COL7A1: variants seen among roughly 807,000 people sequenced by gnomAD.
The protein encoded by COL7A1 is collagen alpha-1(VII) chain.
COL7A1 carries 296 observed loss-of-function variants against 456.2 expected under a neutral mutation model. That is an observed-to-expected ratio of 0.65 (90% CI 0.59 to 0.71). The LOEUF is 0.71. Ranked by LOEUF, COL7A1 falls within the 30% of genes least tolerant of loss-of-function variation. The probability of loss-of-function intolerance (pLI) is 0.00; values close to 1 mark genes in which losing one functional copy is unlikely to be tolerated. For synonymous variants in COL7A1, 1,464 were observed against 1,525.9 expected (o/e 0.96, Z 0.95); for missense variants, 3,441 against 4,017.2 (o/e 0.86, Z 3.88).
In COL7A1 at chr3:48,581,799, C is replaced by T. The variant is rs1239414819; in HGVS notation, c.4669-40G>A. On this transcript the variant is annotated intron_variant, in intron 48 of 118. Transcript: ENST00000681320. The surrounding 1 kb of genome is among the most constrained non-coding windows in gnomAD (Gnocchi z 5.8). ...GACCATCAGTGCTAGTCCCAGGCTC[C>T]AGTTAACCCCCTGACCCAGCAAGTC... The T allele has an allele frequency of 6.2e-7, 1 of 1,613,880 alleles. No homozygotes were observed. The highest frequency in any genetic ancestry group is 8.5e-7 in the Non-Finnish European group (1 of 1,179,826).
rs921562127 is a variant in COL7A1, at chr3:48,585,604, G to A, written c.3847C>T (p.Pro1283Ser). 30 of 1,613,876 alleles carry A rather than the reference G, an allele frequency of 1.9e-5. No individual in the cohort carries two copies. Among genetic ancestry groups the A allele is most frequent in the East Asian group, 4.5e-5 (2 of 44,878 alleles). The change falls in exon 32 of 119, where the codon CCC (proline) becomes TCC (serine). Residue 1283 changes from proline to serine, a missense_variant. This residue lies in a region of COL7A1 where 2,084 missense variants were observed against 2,501.3 expected (regional missense o/e 0.83). Coordinates refer to ENST00000681320, the MANE Select transcript of COL7A1 (RefSeq NM_000094.4). The surrounding 1 kb of genome is among the most constrained non-coding windows in gnomAD (Gnocchi z 4.5). The stretch of plus-strand genomic sequence containing the variant: ...CTTCCAGGGGGCCCCTGGGGGCCGG[G>A]AGCACCGGTCCTGCCCTGAAAGAAG... Reference protein sequence around the residue: ...DPGLPGRTGAPGPQGPPGSAT... With the variant: ...DPGLPGRTGASGPQGPPGSAT...
In COL7A1 at chr3:48,570,419, GGTGACCAGGGCACAAGAGAGA is replaced by G. The variant is rs551952869; in HGVS notation, c.7380+25_7380+45del. ...TGGGAGGTCAGTGGAGGCTGAAGGG[GGTGACCAGGGCACAAGAGAGA>G]GTCAGCAGCACTTGTCCCACCTACC... On this transcript the variant is annotated intron_variant, in intron 97 of 118. Coordinates refer to ENST00000681320, the MANE Select transcript of COL7A1 (RefSeq NM_000094.4). The surrounding 1 kb of genome is among the most constrained non-coding windows in gnomAD (Gnocchi z 5.5). The G allele has an allele frequency of 1.1e-5, 17 of 1,613,988 alleles. No homozygotes were observed. The South Asian group carries it at 1.6e-4, about 16-fold the overall frequency.
Position 48,580,158 on chromosome 3 carries a change from C to A in COL7A1, c.5098-101G>T, listed in dbSNP as rs1575453942. 1.3e-6 allele frequency: 2 copies of A among 1,553,668 alleles called. No homozygotes were observed. The highest frequency in any genetic ancestry group is 8.8e-7 in the Non-Finnish European group (1 of 1,134,982). On this transcript the variant is annotated intron_variant, in intron 56 of 118. Coordinates refer to ENST00000681320, the MANE Select transcript of COL7A1 (RefSeq NM_000094.4). This position sits in a 1 kb window ranked among gnomAD's most constrained non-coding sequence, Gnocchi z 4.5. ...CTCTGCCCCCAAGTTCCCCGAAGCACCCCAATGCCAGCCCCCAGCAGGCAT... is the reference window on the plus strand; with the variant it reads ...CTCTGCCCCCAAGTTCCCCGAAGCAACCCAATGCCAGCCCCCAGCAGGCAT...
At position 48,581,048 on chromosome 3, in the gene COL7A1, T is replaced by C; in HGVS notation, c.4935+74A>G. ...GGAGGCAGGGAGTGGATGGATGAAC[T>C]GGTGGAGCACCAGCCTACTGGGATC... On this transcript the variant is annotated intron_variant, in intron 53 of 118. Coordinates refer to ENST00000681320, the MANE Select transcript of COL7A1 (RefSeq NM_000094.4). This position sits in a 1 kb window ranked among gnomAD's most constrained non-coding sequence, Gnocchi z 5.8. 1 of 1,604,224 alleles carries C rather than the reference T, an allele frequency of 6.2e-7. No homozygotes were observed. The highest frequency in any genetic ancestry group is 8.5e-7 in the Non-Finnish European group (1 of 1,171,626).
Position 48,576,192 on chromosome 3 carries a change from G to C in COL7A1, c.5820+57C>G, listed in dbSNP as rs1454366158. On this transcript the variant is annotated intron_variant, in intron 71 of 118. Transcript: ENST00000681320. Reference sequence around the variant, plus strand: ...CATGGCAAGGGGAAGGGGATGGCAAGGTGGCCCCAATGGGCATGCAAAACA... The same window carrying C: ...CATGGCAAGGGGAAGGGGATGGCAACGTGGCCCCAATGGGCATGCAAAACA... 7 of 1,609,510 alleles carry C rather than the reference G, an allele frequency of 4.3e-6. No homozygotes were observed. In the South Asian group the frequency reaches 6.6e-5, roughly 15 times the overall value.
In COL7A1 at chr3:48,592,093, C is replaced by G. The variant is rs759691668; in HGVS notation, c.1240+9G>C. The G allele has an allele frequency of 6.2e-7, 1 of 1,614,194 alleles. No individual in the cohort carries two copies. Among genetic ancestry groups the G allele is most frequent in the Non-Finnish European group, 8.5e-7 (1 of 1,180,034 alleles). ...GTCCCAGCCTGAAGAAAGTGCCCAGCCTTCTCACCAGTGCGAGCCATCAGG... is the reference window on the plus strand; with the variant it reads ...GTCCCAGCCTGAAGAAAGTGCCCAGGCTTCTCACCAGTGCGAGCCATCAGG... On this transcript the variant is annotated intron_variant, in intron 10 of 118. Transcript: ENST00000681320. The surrounding 1 kb of genome is among the most constrained non-coding windows in gnomAD (Gnocchi z 7.6).
Position 48,572,881 on chromosome 3 carries a change from C to CT in COL7A1, c.6811dup (p.Arg2271LysfsTer19). On this transcript the variant is annotated frameshift_variant, in exon 87 of 119. Coordinates refer to ENST00000681320, the MANE Select transcript of COL7A1 (RefSeq NM_000094.4). LOFTEE classifies it high-confidence loss of function. The surrounding 1 kb of genome is among the most constrained non-coding windows in gnomAD (Gnocchi z 4.6). ...ACATACTGGCACACCAGGGCTCCCT[C>CT]TGTCTCCATCTTTTCCACTGGCACC... The CT allele has an allele frequency of 6.2e-7, 1 of 1,613,882 alleles. No individual in the cohort carries two copies. The highest frequency in any genetic ancestry group is 2.2e-5 in the East Asian group (1 of 44,872).
In COL7A1 at chr3:48,565,647, G is replaced by A; in HGVS notation, c.8429C>T (p.Ala2810Val). Reference protein sequence around the residue: ...QHCACQGQFIASGSRPLPSYA... With the variant: ...QHCACQGQFIVSGSRPLPSYA... ...AGAAAACTACTCACGTGATCCAGAT[G>A]CGATGAACTGGCCCTGGCAGGCTAG... Residue 2810 changes from alanine to valine, a missense_variant, in exon 115 of 119, where the codon GCA (alanine) becomes GTA (valine). By Grantham distance (64) the Ala-to-Val change is moderately conservative. Around this residue, in one of 3 missense-constraint regions of COL7A1, gnomAD observed 2,084 missense variants for 2,501.3 expected, o/e 0.83. Transcript: ENST00000681320. This position sits in a 1 kb window ranked among gnomAD's most constrained non-coding sequence, Gnocchi z 4.5. 6.2e-7 allele frequency: 1 copy of A among 1,613,946 alleles called. No homozygotes were observed. Among genetic ancestry groups the A allele is most frequent in the Non-Finnish European group, 8.5e-7 (1 of 1,179,956 alleles).
Position 48,593,615 on chromosome 3 carries a change from G to A in COL7A1, c.348C>T (p.Asn116=). 6.2e-7 allele frequency: 1 copy of A among 1,614,214 alleles called. No individual in the cohort carries two copies. The highest frequency in any genetic ancestry group is 8.5e-7 in the Non-Finnish European group (1 of 1,180,030). ...AIRELSYKGG[N]TRTGAAILHV... is the part of the protein sequence containing the mutation. The stretch of plus-strand genomic sequence containing the variant: ...GGAGAATTGCAGCCCCTGTGCGAGT[G>A]TTGCCCCCCTTGTAGCTAAGCTCAC... The change falls in exon 4 of 119, where the codon AAC becomes AAT. Residue 116 remains asparagine (N), a synonymous_variant. Transcript: ENST00000681320. This position sits in a 1 kb window ranked among gnomAD's most constrained non-coding sequence, Gnocchi z 4.4.
At position 48,592,314 on chromosome 3, in the gene COL7A1, G is replaced by A. The variant is rs773131116; in HGVS notation, c.1093+37C>T. On this transcript the variant is annotated intron_variant, in intron 9 of 118. Coordinates refer to ENST00000681320, the MANE Select transcript of COL7A1 (RefSeq NM_000094.4). This position sits in a 1 kb window ranked among gnomAD's most constrained non-coding sequence, Gnocchi z 7.6. ...TCAGGACTCTACAGCCTTGTCTGAG[G>A]CGCGGGGACTCCCCTCAGCCCACAT... 4 of 1,613,392 alleles carry A rather than the reference G, an allele frequency of 2.5e-6. No individual in the cohort carries two copies. The highest frequency in any genetic ancestry group is 3.4e-6 in the Non-Finnish European group (4 of 1,179,898).
In COL7A1 at chr3:48,573,421, G is replaced by T; in HGVS notation, c.6619-73C>A. ...CTCCTGGAGCTCATCCTCATTGCAG[G>T]AGATGACAGCCCAGGAGGTTGGCGC... On this transcript the variant is annotated intron_variant, in intron 83 of 118. Coordinates refer to ENST00000681320, the MANE Select transcript of COL7A1 (RefSeq NM_000094.4). The surrounding 1 kb of genome is among the most constrained non-coding windows in gnomAD (Gnocchi z 5.5). The T allele has an allele frequency of 1.2e-6, 2 of 1,613,740 alleles. No homozygotes were observed. Among genetic ancestry groups the T allele is most frequent in the Admixed American group, 3.3e-5 (2 of 60,030 alleles).
At position 48,575,891 on chromosome 3, in the gene COL7A1, C is replaced by A; in HGVS notation, c.5832G>T (p.Arg1944=). The A allele has an allele frequency of 1.2e-6, 2 of 1,614,172 alleles. No individual in the cohort carries two copies. The highest frequency in any genetic ancestry group is 1.3e-5 in the African/African-American group (1 of 75,064). ...GEPGSVPNVD[R]LLETAGIKAS... is the part of the protein sequence containing the mutation. Reference sequence around the variant, plus strand: ...CCTTGATGCCAGCAGTTTCCAGCAACCGATCCACATTCTGGGGACAAAGTC... The same window carrying A: ...CCTTGATGCCAGCAGTTTCCAGCAAACGATCCACATTCTGGGGACAAAGTC... The change falls in exon 72 of 119, where the codon CGG becomes CGT. Residue 1944 remains arginine, a synonymous_variant. Coordinates refer to ENST00000681320, the MANE Select transcript of COL7A1 (RefSeq NM_000094.4). The surrounding 1 kb of genome is among the most constrained non-coding windows in gnomAD (Gnocchi z 6.3).
rs1326163217 is a variant in COL7A1 at position 48,564,757 on chromosome 3, C to T, written c.8818+26G>A. The T allele has an allele frequency of 2.5e-6, 4 of 1,608,434 alleles. No individual in the cohort carries two copies. In the African/African-American group the frequency reaches 5.3e-5, roughly 21 times the overall value. ...ATCCAGGCAGGCTCAGTGCCCAGTT[C>T]CCCACGGTGGGGGCTCAGCCCATAC... On this transcript the variant is annotated intron_variant, in intron 118 of 118. Coordinates refer to ENST00000681320, the MANE Select transcript of COL7A1 (RefSeq NM_000094.4). This position sits in a 1 kb window ranked among gnomAD's most constrained non-coding sequence, Gnocchi z 6.0.
Position 48,568,932 on chromosome 3 carries a change from C to G in COL7A1, c.7687-77G>C, listed in dbSNP as rs186811115. ...GCTTAGAATACAACGAGCCCGCCAG[C>G]TGGGGCAGAGCTCAAGTCACTCCCG... is the stretch of plus-strand genomic sequence containing the variant. On this transcript the variant is annotated intron_variant, in intron 103 of 118. Transcript: ENST00000681320. This position sits in a 1 kb window ranked among gnomAD's most constrained non-coding sequence, Gnocchi z 5.2. 26 of 1,426,206 alleles carry G rather than the reference C, an allele frequency of 1.8e-5. No homozygotes were observed. The Admixed American group carries it at 3.1e-4, about 17-fold the overall frequency. The allele number at this position is 1,426,206 out of a possible 1,614,324, so 88.3% of individuals were successfully genotyped here.
chr3:48,569,276 G>A lies in COL7A1; in HGVS notation c.7686+99C>T, dbSNP rs2043765176. The A allele has an allele frequency of 1.4e-6, 2 of 1,449,178 alleles. No homozygotes were observed. Among genetic ancestry groups the A allele is most frequent in the African/African-American group, 2.8e-5 (2 of 71,526 alleles). The allele number at this position is 1,449,178 out of a possible 1,614,324, so 89.8% of individuals were successfully genotyped here. On this transcript the variant is annotated intron_variant, in intron 103 of 118. Transcript: ENST00000681320. The surrounding 1 kb of genome is among the most constrained non-coding windows in gnomAD (Gnocchi z 4.9). ...CAGAACCCCTTCCCCCTAAACCCCA[G>A]AAAGCCTCCTCCTGTCCTCCCCTCC...
Position 48,576,311 on chromosome 3 carries a change from A to T in COL7A1, c.5773-15T>A. 6.2e-7 allele frequency: 1 copy of T among 1,613,862 alleles called. No individual in the cohort carries two copies. Among genetic ancestry groups the T allele is most frequent in the Non-Finnish European group, 8.5e-7 (1 of 1,180,008 alleles). On this transcript the variant is annotated splice_polypyrimidine_tract_variant and intron_variant, in intron 70 of 118. Coordinates refer to ENST00000681320, the MANE Select transcript of COL7A1 (RefSeq NM_000094.4). Reference sequence around the variant, plus strand: ...CCAGGGAGGCCCTGGAGAGATGAAGACAAACTGCTAGGAACCAGCCTATGG... The same window carrying T: ...CCAGGGAGGCCCTGGAGAGATGAAGTCAAACTGCTAGGAACCAGCCTATGG...
At position 48,574,392 on chromosome 3, in the gene COL7A1, A is replaced by G; in HGVS notation, c.6457-86T>C. On this transcript the variant is annotated intron_variant, in intron 79 of 118. Coordinates refer to ENST00000681320, the MANE Select transcript of COL7A1 (RefSeq NM_000094.4). This position sits in a 1 kb window ranked among gnomAD's most constrained non-coding sequence, Gnocchi z 5.0. ...CCCCCTAGACAGAGTCAGGACCCAGACAGTCCCAGGCAGTACAGACCCCAG... is the reference window on the plus strand; with the variant it reads ...CCCCCTAGACAGAGTCAGGACCCAGGCAGTCCCAGGCAGTACAGACCCCAG... 6 of 1,612,984 alleles carry G rather than the reference A, an allele frequency of 3.7e-6. No individual in the cohort carries two copies. The highest frequency in any genetic ancestry group is 5.1e-6 in the Non-Finnish European group (6 of 1,179,062).
At position 48,593,277 on chromosome 3, in the gene COL7A1, C is replaced by A; in HGVS notation, c.521-14G>T. ...CATTCTTGATCCCTGAAGTGACGAC[C>A]CATCAGGACTCAGTCACCCACATGC... On this transcript the variant is annotated splice_polypyrimidine_tract_variant and intron_variant, in intron 5 of 118. Coordinates refer to ENST00000681320, the MANE Select transcript of COL7A1 (RefSeq NM_000094.4). The surrounding 1 kb of genome is among the most constrained non-coding windows in gnomAD (Gnocchi z 4.4). 6.2e-7 allele frequency: 1 copy of A among 1,614,066 alleles called. No homozygotes were observed. Among genetic ancestry groups the A allele is most frequent in the South Asian group, 1.1e-5 (1 of 91,080 alleles).
Position 48,564,575 on chromosome 3 carries a change from G to T in COL7A1, c.8819-153C>A. The T allele has an allele frequency of 9.3e-7, 1 of 1,071,538 alleles. No homozygotes were observed. Among genetic ancestry groups the T allele is most frequent in the Non-Finnish European group, 1.4e-6 (1 of 717,302 alleles). The allele number at this position is 1,071,538 out of a possible 1,614,324, so 66.4% of individuals were successfully genotyped here. A position where few individuals can be genotyped will look rare whatever the true frequency, so the allele number is the denominator to read the frequency against. On this transcript the variant is annotated intron_variant, in intron 118 of 118. Coordinates refer to ENST00000681320, the MANE Select transcript of COL7A1 (RefSeq NM_000094.4). The surrounding 1 kb of genome is among the most constrained non-coding windows in gnomAD (Gnocchi z 6.0). Reference sequence around the variant, plus strand: ...TCCATACTTAGGTCTTTAAAGGAGGGAACATGGAAGGGGACCCTACTGGGG... The same window carrying T: ...TCCATACTTAGGTCTTTAAAGGAGGTAACATGGAAGGGGACCCTACTGGGG...
Sources: gnomAD v4.1 joint callset for allele counts on GRCh38, gnomAD v4.1.1 for gene constraint, gnomAD v4.1.1 regional missense constraint, Gnocchi (gnomAD v3.1) non-coding constraint, MANE v1.5 for transcripts, NCBI Gene and HGNC (gene_info 2026-07-23, HGNC 2026-07-21) for gene names.